The following DAG1 variants were observed in gnomAD, a reference collection of about 807,000 sequenced individuals.
DAG1 encodes dystroglycan 1 (dystrophin-associated glycoprotein 1).
A neutral mutation model predicts 46.1 loss-of-function variants in DAG1; 8 were observed. The ratio of observed to expected loss-of-function variants is 0.17; its 90% CI spans 0.10 to 0.31. The LOEUF is 0.31. Ranked by LOEUF, DAG1 falls within the 10% of genes least tolerant of loss-of-function variation. The probability of loss-of-function intolerance (pLI) is 1.00; values close to 1 mark genes in which losing one functional copy is unlikely to be tolerated. For missense variants in DAG1, 1,003 were observed against 1,189.9 expected (o/e 0.84, Z 2.31); for synonymous variants, 495 against 481.8 (o/e 1.03, Z -0.36).
At chr3:49,508,239 T>C (rs1455835128) in intron 1 of DAG1, among the ~76,000 whole-genome samples, 1 of 151,036 alleles carries the variant, frequency 6.6e-6, no homozygotes, top group Non-Finnish European at 1.5e-5. Flanking sequence ...TTTGCTCTTG[T>C]TGCCCAAGCT....
At chr3:49,521,195 C>T (rs568684137) in intron 2 of DAG1, among the ~76,000 whole-genome samples, 4 of 152,010 alleles carry the variant, frequency 2.6e-5, no homozygotes, top group Non-Finnish European at 5.9e-5. Flanking sequence ...GACAGAGTCT[C>T]GCTCTTTGCC....
At chr3:49,486,227 T>C (rs1045197263) in intron 1 of DAG1, among the ~76,000 whole-genome samples, 3 of 149,376 alleles carry the variant, frequency 2.0e-5, no homozygotes, top group African/African-American at 7.6e-5. Context: ...TATTTATTTA[T>C]TTATTTTTTG....
chr3:49,495,136 T>C (rs2050278483), intron 1 of DAG1, among the ~76,000 whole-genome samples: 1 of 152,172 alleles, frequency 6.6e-6, no homozygotes. Context: ...CAGTAGACAC[T>C]GATCATCCAG....
At chr3:49,472,688 T>C (rs1003447903) in intron 1 of DAG1, among the ~76,000 whole-genome samples, 1 of 152,038 alleles carries the variant, frequency 6.6e-6, no homozygotes, top group Non-Finnish European at 1.5e-5. Context: ...GCACCTGTAG[T>C]CCCAGCTACT....
At chr3:49,478,102 A>G (rs2049735501) in intron 1 of DAG1, among the ~76,000 whole-genome samples, 1 of 150,912 alleles carries the variant, frequency 6.6e-6, no homozygotes, top group African/African-American at 2.4e-5. Flanking sequence ...CCCTGTCTCT[A>G]GTAAAAATAC....
intron 2 of DAG1, among the ~76,000 whole-genome samples, chr3:49,528,274 G>GTTTTTTTTTT (rs1559575548): frequency 1.3e-4 from 8 of 60,324 alleles, no homozygotes; most frequent in Non-Finnish European, 2.8e-4. Context: ...GAAATAGTGT[G>GTTTTTTTTTT]ATTTTTTTTT....
chr3:49,494,553 A>G (rs1345488694), intron 1 of DAG1, among the ~76,000 whole-genome samples: 1 of 152,192 alleles, frequency 6.6e-6, no homozygotes, highest in Non-Finnish European at 1.5e-5. Context: ...AGTGTAATGG[A>G]AAAAATACCA....
At chr3:49,502,705 C>A (rs1288260767) in intron 1 of DAG1, among the ~76,000 whole-genome samples, 1 of 142,348 alleles carries the variant, frequency 7.0e-6, no homozygotes, top group Non-Finnish European at 1.5e-5. Flanking sequence ...GTGGTGCGAT[C>A]TCGGCTCACT....
intron 1 of DAG1, among the ~76,000 whole-genome samples, chr3:49,484,590 C>T (rs1030199176): frequency 3.3e-5 from 5 of 152,074 alleles, no homozygotes; most frequent in Admixed American, 2.0e-4. Context: ...CTGCCTGTGC[C>T]CTTTACATCT....
intron 2 of DAG1, among the ~76,000 whole-genome samples, chr3:49,526,603 G>A (rs2051178746): frequency 6.6e-6 from 1 of 152,198 alleles, no homozygotes; most frequent in Non-Finnish European, 1.5e-5. Context: ...TGTGGTCCCA[G>A]CTACTCAGGA....
At position 49,531,869 on chromosome 3, in the gene DAG1, C is replaced by T. The variant is rs888121881; in HGVS notation, c.1358C>T (p.Pro453Leu). ...ACGACTCGCAGGCCAACCAAGAAAC[C>T]ACGGACACCCCGGCCAGTGCCCCGG... Reference protein sequence around the residue: ...TTTTRRPTKKPRTPRPVPRVT... With the variant: ...TTTTRRPTKKLRTPRPVPRVT... Residue 453 changes from proline to leucine, a missense_variant, in exon 3 of 3, where the codon CCA (proline) becomes CTA (leucine). Pro to Leu is a moderately conservative substitution (Grantham distance 98). This residue lies in a region of DAG1 where 755 missense variants were observed against 854.1 expected (regional missense o/e 0.88). Coordinates refer to ENST00000308775, the MANE Select transcript of DAG1 (RefSeq NM_004393.6). The surrounding 1 kb of genome is among the most constrained non-coding windows in gnomAD (Gnocchi z 7.0). 1 of 1,613,950 alleles carries T rather than the reference C, an allele frequency of 6.2e-7. No individual in the cohort carries two copies.
intron 1 of DAG1, among the ~76,000 whole-genome samples, chr3:49,505,313 G>T (rs143647613): frequency 1.3e-5 from 2 of 151,940 alleles, no homozygotes; most frequent in African/African-American, 4.8e-5. Context: ...TGTTGCCAAG[G>T]CTGGTGTCAA....
At position 49,483,861 on chromosome 3, in the gene DAG1, C is replaced by T. The variant is rs192765289; in HGVS notation, c.-117+13428C>T. On this transcript the variant is annotated intron_variant, in intron 1 of 2. Transcript: ENST00000308775. ...AGCTAATTTTTAAATTTTTTTGTAG[C>T]GATGTGGTCTTGGCTATGTTGCCCA... Among the ~76,000 whole-genome samples, 46 of 151,796 alleles carry T rather than the reference C, an allele frequency of 3.0e-4. No individual in the cohort carries two copies. The East Asian group carries it at 7.8e-3, about 26-fold the overall frequency.
At position 49,472,778 on chromosome 3, in the gene DAG1, G is replaced by A. The variant is rs532579656; in HGVS notation, c.-117+2345G>A. 6.6e-5 allele frequency among the ~76,000 whole-genome samples: 10 copies of A among 151,174 alleles called. No individual in the cohort carries two copies. In the East Asian group the frequency reaches 1.6e-3, roughly 24 times the overall value. On this transcript the variant is annotated intron_variant, in intron 1 of 2. Transcript: ENST00000308775. ...GTTGAGATAGAGCCACTGCACTCCA[G>A]CCTGGGCCACAGATCGAGACTCCGT...
At chr3:49,513,026 G>C (rs950575815) in intron 2 of DAG1, among the ~76,000 whole-genome samples, 1 of 152,084 alleles carries the variant, frequency 6.6e-6, no homozygotes, top group East Asian at 1.9e-4. Context: ...CTGGCTTTCT[G>C]TTGGTGTGTT....
chr3:49,521,400 C>T (rs1326611109), intron 2 of DAG1, among the ~76,000 whole-genome samples: 4 of 152,212 alleles, frequency 2.6e-5, no homozygotes, highest in East Asian at 3.9e-4. Flanking sequence ...CTCCTGACCT[C>T]GTGATCCACC....
intron 1 of DAG1, among the ~76,000 whole-genome samples, chr3:49,509,734 A>AT (rs1276918498): frequency 6.9e-6 from 1 of 145,072 alleles, no homozygotes; most frequent in Non-Finnish European, 1.6e-5. Flanking sequence ...TTAATATTTT[A>AT]TTGTTTTTTT....
rs148856927 is a variant in DAG1, at chr3:49,477,223, C to G, written c.-117+6790C>G. ...TGTTGGTCGGGCTGGTCTCGAACTC[C>G]CGACGTCAGGTGATCTGCCCGCCTC... On this transcript the variant is annotated intron_variant, in intron 1 of 2. Transcript: ENST00000308775. 9.9e-3 allele frequency among the ~76,000 whole-genome samples: 1,502 copies of G among 152,198 alleles called. 10 individuals carry two copies. Among genetic ancestry groups the G allele is most frequent in the Middle Eastern group, 0.017 (5 of 294 alleles).
chr3:49,490,877 ATTC>A (rs1213535685), intron 1 of DAG1, among the ~76,000 whole-genome samples: 2 of 129,220 alleles, frequency 1.5e-5, no homozygotes, highest in African/African-American at 6.0e-5. Context: ...CTACTCCTAA[ATTC>A]TTTTTTTTTT....
Sources: allele counts gnomAD v4.1 joint callset (sites outside exome capture counted in the v4.1 genomes callset), GRCh38; gene constraint gnomAD v4.1.1; regional missense constraint gnomAD v4.1.1; non-coding constraint Gnocchi (gnomAD v3.1); transcripts MANE v1.5; gene names NCBI Gene and HGNC (gene_info 2026-07-23, HGNC 2026-07-21).